Variants in TFEC observed in about 807,000 individuals in gnomAD.
The protein encoded by TFEC is class E basic helix-loop-helix protein 34.
TFEC carries 31 observed loss-of-function variants against 41.6 expected under a neutral mutation model. That is an observed-to-expected ratio of 0.74 (90% CI 0.56 to 1.01). TFEC has a LOEUF of 1.01. TFEC is among the 50% of genes least tolerant of loss of function. The pLI is 0.00. For missense variants in TFEC, 402 were observed against 404.1 expected, an observed-to-expected ratio of 0.99 and a Z score of 0.04; for synonymous variants, 143 against 140.6, an observed-to-expected ratio of 1.02 and a Z score of -0.12.
At chr7:116,030,500 A>G (rs1795752702) in intron 1 of TFEC, 133 bp downstream of exon 1, 1 of 462,956 alleles carries the variant, frequency 2.2e-6, no homozygotes, top group African/African-American at 2.1e-5. Flanking sequence ...ATATCCTGAT[A>G]CCTAGTTATC....
intron 3 of TFEC, among the ~76,000 whole-genome samples, chr7:115,966,866 C>A (rs141848837): frequency 1.5e-3 from 235 of 151,912 alleles, no homozygotes; most frequent in African/African-American, 5.4e-3. Context: ...CTCTTCAGCA[C>A]TCCTCCTCAG....
At chr7:116,050,856 A>G (rs1187866027) in intron 3 of TFEC, among the ~76,000 whole-genome samples, 1 of 152,248 alleles carries the variant, frequency 6.6e-6, no homozygotes, top group Non-Finnish European at 1.5e-5. Context: ...ATGTATTTTT[A>G]TTGCAGCACT....
chr7:116,110,856 C>A, exon 3 of TFEC: 1 of 1,543,220 alleles, frequency 6.5e-7, no homozygotes, highest in Non-Finnish European at 8.7e-7. Context: ...CTCCTTTTCT[C>A]CTAATTGTTC....
intron 1 of TFEC, among the ~76,000 whole-genome samples, chr7:116,152,513 A>G (rs1000371565): frequency 6.6e-6 from 1 of 152,218 alleles, no homozygotes; most frequent in Non-Finnish European, 1.5e-5. Context: ...GTGTGTAAGC[A>G]AACTACATGA....
At chr7:116,091,315 T>G (rs1168843264) in intron 3 of TFEC, among the ~76,000 whole-genome samples, 1 of 152,116 alleles carries the variant, frequency 6.6e-6, no homozygotes, top group Non-Finnish European at 1.5e-5. Context: ...TTTTTTAAAG[T>G]GTCATTTAGC....
At chr7:116,052,534 T>C (rs1796335264) in intron 3 of TFEC, among the ~76,000 whole-genome samples, 1 of 152,004 alleles carries the variant, frequency 6.6e-6, no homozygotes, top group Non-Finnish European at 1.5e-5. Context: ...GTTCCAGTGA[T>C]TCTCCTGCCT....
chr7:116,018,866 A>G (rs1795289806), intron 1 of TFEC, among the ~76,000 whole-genome samples: 2 of 152,212 alleles, frequency 1.3e-5, no homozygotes, highest in African/African-American at 4.8e-5. Flanking sequence ...AAAAGCAAGA[A>G]TCTGCAAGTT....
chr7:116,108,663 T>C (rs958040762), intron 3 of TFEC, among the ~76,000 whole-genome samples: 1 of 152,112 alleles, frequency 6.6e-6, no homozygotes, highest in Admixed American at 6.6e-5. Context: ...CTTGAATAAG[T>C]CACCAACTAT....
At chr7:116,020,241 C>T (rs796938401) in intron 1 of TFEC, among the ~76,000 whole-genome samples, 1 of 152,152 alleles carries the variant, frequency 6.6e-6, no homozygotes, top group South Asian at 2.1e-4. Context: ...AAAGCTTTTG[C>T]TTTCCAAATT....
chr7:116,048,202 G>A (rs748718041), intron 3 of TFEC, among the ~76,000 whole-genome samples: 1 of 152,120 alleles, frequency 6.6e-6, no homozygotes, highest in East Asian at 1.9e-4. Flanking sequence ...GAGGATGTTC[G>A]AACCCACCAC....
intron 1 of TFEC, among the ~76,000 whole-genome samples, chr7:116,128,648 T>C (rs1584550551): frequency 6.6e-6 from 1 of 152,326 alleles, no homozygotes; most frequent in South Asian, 2.1e-4. Context: ...TTACTTGTTA[T>C]TGATCTGCAG....
At chr7:116,135,635 A>C (rs933171832) in intron 1 of TFEC, among the ~76,000 whole-genome samples, 1 of 152,136 alleles carries the variant, frequency 6.6e-6, no homozygotes, top group Non-Finnish European at 1.5e-5. Context: ...CTCAGCATGC[A>C]CTTCTACCCT....
At chr7:116,047,143 C>A (rs1014413220) in intron 3 of TFEC, among the ~76,000 whole-genome samples, 1 of 152,132 alleles carries the variant, frequency 6.6e-6, no homozygotes, top group African/African-American at 2.4e-5. Context: ...ACTGAGGTAC[C>A]AGGTTCATCT....
chr7:115,969,630 G>A (rs932915882), intron 3 of TFEC, among the ~76,000 whole-genome samples: 11 of 151,886 alleles, frequency 7.2e-5, no homozygotes, highest in African/African-American at 1.7e-4. Context: ...ATTATATTCC[G>A]AATATTTCAG....
intron 1 of TFEC, among the ~76,000 whole-genome samples, chr7:116,125,753 A>T (rs980043606): frequency 6.6e-6 from 1 of 152,214 alleles, no homozygotes; most frequent in Non-Finnish European, 1.5e-5. Flanking sequence ...GAAGACCAAA[A>T]GAGGGTAAGG....
At chr7:116,012,759 T>C (rs1795047395) in intron 1 of TFEC, among the ~76,000 whole-genome samples, 1 of 151,370 alleles carries the variant, frequency 6.6e-6, no homozygotes, top group South Asian at 2.1e-4. Context: ...GAAAATATAG[T>C]TGAATTTATA....
chr7:115,941,446 T>C, intron 7 of TFEC: 1 of 167,966 alleles, frequency 6.0e-6, no homozygotes, highest in African/African-American at 2.4e-5. Flanking sequence ...ATGAAATCCA[T>C]AGCAATGTTG....
chr7:116,083,974 G>A (rs1797147614), intron 3 of TFEC, among the ~76,000 whole-genome samples: 1 of 151,884 alleles, frequency 6.6e-6, no homozygotes, highest in Admixed American at 6.6e-5. Context: ...AAGCCACAGG[G>A]CCAATTACGA....
At chr7:115,946,412 TG>T (rs1289650725) in intron 6 of TFEC, among the ~76,000 whole-genome samples, 44 of 128,922 alleles carry the variant, frequency 3.4e-4, no homozygotes, top group Non-Finnish European at 4.7e-4. Flanking sequence ...TGTGTGTGTG[TG>T]TGTGTGTGTG....
Sources: gnomAD v4.1 joint callset for allele counts (sites outside exome capture counted in the v4.1 genomes callset) on GRCh38, gnomAD v4.1.1 for gene constraint, MANE v1.5 for transcripts, NCBI Gene and HGNC (gene_info 2026-07-23, HGNC 2026-07-21) for gene names.